DLG2: variants seen among roughly 807,000 people sequenced by gnomAD.
DLG2 encodes the protein discs large MAGUK scaffold protein 2.
Under a neutral mutation model 132.5 loss-of-function variants are expected in DLG2, and 45 were observed. That is an observed-to-expected ratio of 0.34 (90% CI 0.27 to 0.44). The LOEUF is 0.44. Among genes scored for constraint, DLG2 ranks in the 20% least tolerant of loss-of-function variants. DLG2 has a pLI of 1.00. For missense variants in DLG2, 1,045 were observed against 1,196.9 expected, an observed-to-expected ratio of 0.87 and a Z score of 1.87; for synonymous variants, 424 against 419.6, an observed-to-expected ratio of 1.01 and a Z score of -0.13.
At chr11:84,037,025 A>T (rs2853024) in intron 11 of DLG2, among the ~76,000 whole-genome samples, 2 of 152,164 alleles carry the variant, frequency 1.3e-5, no homozygotes, top group East Asian at 1.9e-4. Flanking sequence ...AATGCTTATT[A>T]TCAGTAACAA....
chr11:85,099,746 C>T (rs2070542276), intron 6 of DLG2, among the ~76,000 whole-genome samples: 1 of 152,188 alleles, frequency 6.6e-6, no homozygotes, highest in Non-Finnish European at 1.5e-5. Flanking sequence ...ATTAAGAGCA[C>T]TTGATGATGT....
In DLG2 at chr11:84,988,995, C is replaced by T. The variant is rs191970226; in HGVS notation, c.357+122666G>A. On this transcript the variant is annotated intron_variant, in intron 6 of 27. Coordinates refer to ENST00000376104, the MANE Select transcript of DLG2 (RefSeq NM_001142699.3). ...TAAAAACTCCTAGAACTAATGAGTTCGGCAAGGTCAGAGGATACAAGATAA... is the reference window on the plus strand; with the variant it reads ...TAAAAACTCCTAGAACTAATGAGTTTGGCAAGGTCAGAGGATACAAGATAA... Among the ~76,000 whole-genome samples the T allele has an allele frequency of 2.0e-3, 298 of 152,102 alleles. 1 individual carries two copies. The highest frequency in any genetic ancestry group is 2.8e-3 in the Admixed American group (43 of 15,282).
intron 6 of DLG2, among the ~76,000 whole-genome samples, chr11:85,018,785 G>A (rs977767750): frequency 1.4e-5 from 2 of 145,932 alleles, no homozygotes; most frequent in African/African-American, 2.6e-5. Context: ...TAGAAAACAT[G>A]CCTTCTTTTT....
intron 7 of DLG2, among the ~76,000 whole-genome samples, chr11:84,281,903 T>C (rs2097858177): frequency 6.6e-6 from 1 of 152,176 alleles, no homozygotes; most frequent in African/African-American, 2.4e-5. Context: ...GGAAGTCTCA[T>C]ACACTGCTGG....
chr11:84,283,138 A>C (rs1567173288), intron 7 of DLG2, among the ~76,000 whole-genome samples: 1 of 152,212 alleles, frequency 6.6e-6, no homozygotes, highest in Non-Finnish European at 1.5e-5. Flanking sequence ...ACATCATTGT[A>C]ATATTGACTT....
chr11:85,606,142 A>C (rs12807071), intron 2 of DLG2, among the ~76,000 whole-genome samples: 12,715 of 152,290 alleles, frequency 0.083, 735 homozygotes, highest in Non-Finnish European at 0.12. Context: ...CATTTTTTAG[A>C]TTTAGAACGA....
chr11:84,466,050 A>T (rs1407840874), intron 7 of DLG2, among the ~76,000 whole-genome samples: 1 of 151,308 alleles, frequency 6.6e-6, no homozygotes, highest in Admixed American at 6.6e-5. Flanking sequence ...AATTTAGTGT[A>T]TGATAAAGTT....
chr11:84,467,096 T>A (rs1167491769), intron 7 of DLG2, among the ~76,000 whole-genome samples: 5 of 151,312 alleles, frequency 3.3e-5, no homozygotes, highest in African/African-American at 1.2e-4. Context: ...TGGTGTCTAT[T>A]TATCATTTTC....
intron 2 of DLG2, among the ~76,000 whole-genome samples, chr11:85,603,380 C>CCT (rs1487478016): frequency 6.6e-6 from 1 of 151,964 alleles, no homozygotes; most frequent in Non-Finnish European, 1.5e-5. Flanking sequence ...TTATACTATA[C>CCT]CTCTCTCTCT....
intron 3 of DLG2, 111 bp from the exon 4 acceptor site, chr11:85,285,476 T>G: frequency 1.1e-6 from 1 of 924,790 alleles, no homozygotes; most frequent in Non-Finnish European, 1.6e-6. Flanking sequence ...TTAAAAGAAC[T>G]GCATAAATAT....
At chr11:85,249,726 G>A (rs2076306101) in intron 4 of DLG2, among the ~76,000 whole-genome samples, 1 of 152,084 alleles carries the variant, frequency 6.6e-6, no homozygotes, top group Non-Finnish European at 1.5e-5. Context: ...GAGAATGCAA[G>A]CTGGAGTCCA....
intron 6 of DLG2, among the ~76,000 whole-genome samples, chr11:84,836,806 G>T (rs1329751290): frequency 6.6e-6 from 1 of 151,732 alleles, no homozygotes; most frequent in Non-Finnish European, 1.5e-5. Flanking sequence ...TATTTACAGT[G>T]TACCATAAAC....
chr11:84,251,339 G>C, intron 7 of DLG2, 48 bp from the exon 8 acceptor site: 3 of 1,356,036 alleles, frequency 2.2e-6, no homozygotes, highest in Non-Finnish European at 3.0e-6. Context: ...AGTGTATTCT[G>C]AGACAGATTA....
At chr11:83,483,554 G>A (rs1036732442) in intron 22 of DLG2, among the ~76,000 whole-genome samples, 1 of 152,082 alleles carries the variant, frequency 6.6e-6, no homozygotes, top group Non-Finnish European at 1.5e-5. Context: ...TTCAGCAAAT[G>A]CCAATTTTTT....
At chr11:84,212,742 C>A (rs2154312918) in intron 8 of DLG2, among the ~76,000 whole-genome samples, 1 of 152,290 alleles carries the variant, frequency 6.6e-6, no homozygotes, top group Non-Finnish European at 1.5e-5. Context: ...TCACTGCAAC[C>A]TCCGCCTCCC....
intron 6 of DLG2, among the ~76,000 whole-genome samples, chr11:84,792,481 G>A (rs1486475368): frequency 6.6e-6 from 1 of 151,656 alleles, no homozygotes; most frequent in Non-Finnish European, 1.5e-5. Flanking sequence ...TTTTTTTTTG[G>A]AATACTTTGA....
At chr11:84,313,641 A>AAAGAAAGAAAGAAAG (rs2098320732) in intron 7 of DLG2, among the ~76,000 whole-genome samples, 8 of 129,180 alleles carry the variant, frequency 6.2e-5, no homozygotes, top group Non-Finnish European at 1.1e-4. Flanking sequence ...GAAAGAGAGA[A>AAAGAAAGAAAGAAAG]AAAGAAAGAA....
At chr11:84,943,394 A>G (rs80063939) in intron 6 of DLG2, among the ~76,000 whole-genome samples, 17,444 of 151,472 alleles carry the variant, frequency 0.12, 1,225 homozygotes, top group African/African-American at 0.14. Flanking sequence ...GCCTTCCTGC[A>G]TTCCCACATC....
chr11:83,891,394 A>G (rs188918849), intron 15 of DLG2, among the ~76,000 whole-genome samples: 88 of 152,338 alleles, frequency 5.8e-4, no homozygotes, highest in African/African-American at 2.1e-3. Context: ...AAAGACCTTA[A>G]AGCCCTAAAC....
Sources: gnomAD v4.1 joint callset for allele counts (sites outside exome capture counted in the v4.1 genomes callset) on GRCh38, gnomAD v4.1.1 for gene constraint, MANE v1.5 for transcripts, NCBI Gene and HGNC (gene_info 2026-07-23, HGNC 2026-07-21) for gene names.